Variants in CNOT1 observed in about 807,000 individuals in gnomAD.
The protein encoded by CNOT1 is CCR4-NOT transcription complex subunit 1.
In CNOT1, 15 loss-of-function variants were observed where a neutral mutation model predicts 273.8. That is an observed-to-expected ratio of 0.05 (90% CI 0.04 to 0.08). The LOEUF is 0.08. Ranked by LOEUF, CNOT1 falls within the 10% of genes least tolerant of loss-of-function variation. The pLI is 1.00. For synonymous variants in CNOT1, 1,022 were observed against 1,005.5 expected, an observed-to-expected ratio of 1.02 and a Z score of -0.31; for missense variants, 1,644 against 2,912.2, an observed-to-expected ratio of 0.56 and a Z score of 10.02.
At chr16:58,622,824 G>C (rs2043401740) in intron 1 of CNOT1, among the ~76,000 whole-genome samples, 2 of 150,162 alleles carry the variant, frequency 1.3e-5, no homozygotes, top group East Asian at 3.9e-4. Flanking sequence ...TCTAACCCAG[G>C]CGCCAAGAGT....
At chr16:58,530,534 G>GAGTGCTGGGATTA in intron 42 of CNOT1, 187 bp from the exon 43 acceptor site, 1 of 411,662 alleles carries the variant, frequency 2.4e-6, no homozygotes, top group Non-Finnish European at 4.3e-6. Flanking sequence ...TGTAATCCCA[G>GAGTGCTGGGATTA]CACTCTGGGA....
chr16:58,522,237 C>CAAAAAAAAAAAAA (rs56149974), intron 47 of CNOT1, among the ~76,000 whole-genome samples: 1 of 98,594 alleles, frequency 1.0e-5, no homozygotes, highest in African/African-American at 4.2e-5. Flanking sequence ...GAGACTGTCT[C>CAAAAAAAAAAAAA]AAAAAAAAAA....
intron 4 of CNOT1, 129 bp from the exon 5 acceptor site, chr16:58,587,542 T>TAC: frequency 1.5e-6 from 2 of 1,323,908 alleles, no homozygotes; most frequent in East Asian, 2.5e-5. Flanking sequence ...CTAGAAACAT[T>TAC]ACACTATGTC....
Position 58,598,005 on chromosome 16 carries a change from T to C in CNOT1, c.102+1231A>G, listed in dbSNP as rs568253817. Reference sequence around the variant, plus strand: ...GGAGCTAGGCGCAAGAGCTCACGCCTATAATCCCAGCACCTTGGGAGGCCA... The same window carrying C: ...GGAGCTAGGCGCAAGAGCTCACGCCCATAATCCCAGCACCTTGGGAGGCCA... On this transcript the variant is annotated intron_variant, in intron 2 of 48. Transcript: ENST00000317147. 39 of 206,904 alleles carry C rather than the reference T, an allele frequency of 1.9e-4. 1 individual carries two copies. In the South Asian group the frequency reaches 3.0e-3, roughly 16 times the overall value. The allele number at this position is 206,904 out of a possible 1,614,324, so 12.8% of individuals were successfully genotyped here.
At chr16:58,627,196 T>TA (rs2043620421) in intron 1 of CNOT1, among the ~76,000 whole-genome samples, 1 of 151,832 alleles carries the variant, frequency 6.6e-6, no homozygotes, top group Non-Finnish European at 1.5e-5. Flanking sequence ...ATCATGAAGT[T>TA]AAGAGTTCGA....
chr16:58,594,454 G>A (rs2042177499), intron 2 of CNOT1, among the ~76,000 whole-genome samples: 1 of 152,044 alleles, frequency 6.6e-6, no homozygotes, highest in Admixed American at 6.6e-5. Flanking sequence ...ATTAGATAGT[G>A]GTTATGGTTG....
At chr16:58,586,252 AGGGG>A (rs1597515478) in intron 7 of CNOT1, among the ~76,000 whole-genome samples, 1 of 418 alleles carries the variant, frequency 2.4e-3, no homozygotes, top group Non-Finnish European at 4.3e-3. Flanking sequence ...GGCGGAGGGG[AGGGG>A]AGGCGAGGGG....
chr16:58,586,787 G>A (rs1159097778), intron 6 of CNOT1, 39 bp from the exon 7 acceptor site: 1 of 1,600,942 alleles, frequency 6.2e-7, no homozygotes, highest in Non-Finnish European at 8.5e-7. Context: ...AGTTACTTTT[G>A]CACCACAATG....
Position 58,526,001 on chromosome 16 carries a change from G to A in CNOT1, c.6591C>T (p.Arg2197=), listed in dbSNP as rs749709966. The A allele has an allele frequency of 3.7e-6, 6 of 1,613,956 alleles. No homozygotes were observed. Among genetic ancestry groups the A allele is most frequent in the East Asian group, 2.2e-5 (1 of 44,878 alleles). The change falls in exon 45 of 49, where the codon CGC becomes CGT. Residue 2197 remains arginine, a synonymous_variant. Coordinates refer to ENST00000317147, the MANE Select transcript of CNOT1 (RefSeq NM_016284.5). ...RSPVTFLSDL[R]SNLQVSNEPG... is the part of the protein sequence containing the mutation. ...CAAACCAATTAACCTGTAGGTTGCT[G>A]CGCAGATCAGACAGGAAAGTGACTG...
At chr16:58,590,575 A>G (rs115101550) in intron 2 of CNOT1, among the ~76,000 whole-genome samples, 2,276 of 151,560 alleles carry the variant, frequency 0.015, 45 homozygotes, top group African/African-American at 0.052. Flanking sequence ...ATCCTGGATG[A>G]GGGAGTGAGA....
At chr16:58,527,903 G>A (rs1042244812) in intron 44 of CNOT1, 2 of 248,762 alleles carry the variant, frequency 8.0e-6, no homozygotes, top group South Asian at 4.0e-5. Context: ...ATTACTTGAG[G>A]TGAGGAGCTC....
chr16:58,553,361 C>A (rs1333364182), intron 22 of CNOT1, among the ~76,000 whole-genome samples: 1 of 152,094 alleles, frequency 6.6e-6, no homozygotes, highest in Non-Finnish European at 1.5e-5. Context: ...TAAACATGAT[C>A]TAAGTCTTAT....
At chr16:58,541,393 T>A (rs540578144) in intron 34 of CNOT1, 108 bp downstream of exon 34, 2 of 1,490,186 alleles carry the variant, frequency 1.3e-6, no homozygotes, top group East Asian at 4.7e-5. Flanking sequence ...TAGGTGTTTT[T>A]TCCCCTGTAA....
At chr16:58,602,661 G>A (rs1327566349) in intron 1 of CNOT1, among the ~76,000 whole-genome samples, 1 of 151,334 alleles carries the variant, frequency 6.6e-6, no homozygotes, top group African/African-American at 2.4e-5. Flanking sequence ...AACCCAGGAG[G>A]TGGAGGTTGT....
chr16:58,600,321 T>C (rs1360775918), intron 1 of CNOT1, among the ~76,000 whole-genome samples: 2 of 152,022 alleles, frequency 1.3e-5, no homozygotes, highest in East Asian at 1.9e-4. Flanking sequence ...GAGAAAGTGG[T>C]ACTCGGTCTC....
rs2040267328 is a variant in CNOT1 at position 58,546,684 on chromosome 16, C to T, written c.3816G>A (p.Glu1272=). 4 of 1,613,924 alleles carry T rather than the reference C, an allele frequency of 2.5e-6. No homozygotes were observed. Among genetic ancestry groups the T allele is most frequent in the Admixed American group, 1.7e-5 (1 of 60,000 alleles). The change falls in exon 28 of 49, where the codon GAG becomes GAA. Residue 1272 remains glutamate (E), a synonymous_variant. Transcript: ENST00000317147. ...IMNVLAELHQ[E]HDLKLNLKFE... ...AGCAGTAAATTACCTTTAAGTCATGCTCCTGATGTAGCTCAGCTAATACAT... is the reference window on the plus strand; with the variant it reads ...AGCAGTAAATTACCTTTAAGTCATGTTCCTGATGTAGCTCAGCTAATACAT...
intron 2 of CNOT1, among the ~76,000 whole-genome samples, chr16:58,590,274 A>T (rs2042008606): frequency 1.3e-5 from 2 of 152,170 alleles, no homozygotes. Flanking sequence ...CCTAAAATCC[A>T]AGTCTATGAG....
chr16:58,601,734 T>TAAAAA (rs66711143), intron 1 of CNOT1, among the ~76,000 whole-genome samples: 5 of 91,504 alleles, frequency 5.5e-5, no homozygotes, highest in African/African-American at 1.6e-4. Flanking sequence ...ATACCCACCT[T>TAAAAA]AAAAAAAAAA....
Position 58,541,394 on chromosome 16 carries a change from T to C in CNOT1, c.4800+107A>G, listed in dbSNP as rs548130955. On this transcript the variant is annotated intron_variant, in intron 34 of 48. Coordinates refer to ENST00000317147, the MANE Select transcript of CNOT1 (RefSeq NM_016284.5). ...CAACTCAAAAACTATAGGTGTTTTT[T>C]CCCCTGTAAATTATTCTCCCAGGAA... The C allele has an allele frequency of 8.4e-4, 1,257 of 1,491,532 alleles. 2 individuals are homozygous for C. Among genetic ancestry groups the C allele is most frequent in the Admixed American group, 2.3e-3 (100 of 43,410 alleles). 92.4% of individuals were successfully genotyped at this position (1,491,532 alleles called of 1,614,324 possible).
Sources: allele counts gnomAD v4.1 joint callset (sites outside exome capture counted in the v4.1 genomes callset), GRCh38; gene constraint gnomAD v4.1.1; transcripts MANE v1.5; gene names NCBI Gene and HGNC (gene_info 2026-07-23, HGNC 2026-07-21).